Variants in STS observed in about 807,000 individuals in gnomAD.
STS encodes the protein steryl-sulfatase.
STS carries 7 observed loss-of-function variants against 26.8 expected under a neutral mutation model. The observed-to-expected ratio is 0.26, with a 90% CI of 0.15 to 0.49. The LOEUF (loss-of-function observed/expected upper bound fraction) is 0.49, where lower values mean the gene tolerates loss of function less well. Among genes scored for constraint, STS ranks in the 20% least tolerant of loss-of-function variants. The pLI is 0.98. For synonymous variants in STS, 199 were observed against 189.4 expected (o/e 1.05, Z -0.42); for missense variants, 434 against 465.6 (o/e 0.93, Z 0.63).
At chrX:7,290,591 A>G (rs1427362247) in intron 7 of STS, among the ~76,000 whole-genome samples, 1 of 112,001 alleles carries the variant, frequency 8.9e-6, no homozygotes, top group East Asian at 2.8e-4. Flanking sequence ...CCATGTGTAT[A>G]TGGTTCCGCC....
At chrX:7,206,514 T>C (rs1467457568) in intron 2 of STS, among the ~76,000 whole-genome samples, 4 of 112,483 alleles carry the variant, frequency 3.6e-5, no homozygotes, top group African/African-American at 6.5e-5. Flanking sequence ...TGTCCATATA[T>C]GACCAGCCAT....
At chrX:7,198,992 A>C (rs1934021179) in intron 2 of STS, among the ~76,000 whole-genome samples, 1 of 110,900 alleles carries the variant, frequency 9.0e-6, no homozygotes, top group Non-Finnish European at 1.9e-5. Context: ...TGTGTGCTTC[A>C]GCTGCCTTAC....
At chrX:7,184,499 G>A (rs1217178135) in intron 1 of STS, among the ~76,000 whole-genome samples, 1 of 112,021 alleles carries the variant, frequency 8.9e-6, no homozygotes, top group Non-Finnish European at 1.9e-5. Context: ...TGAGGGATTT[G>A]GTCTGATAAT....
rs200409187 is a variant in STS, at chrX:7,349,145, C to CT, written c.1364-723dup. 9.8e-3 allele frequency among the ~76,000 whole-genome samples: 793 copies of CT among 80,565 alleles called. 8 individuals are homozygous for CT. The highest frequency in any genetic ancestry group is 0.014 in the Non-Finnish European group (561 of 41,279). The allele number at this position is 80,565 out of a possible 115,157, so 70.0% of individuals were successfully genotyped here. On this transcript the variant is annotated intron_variant, in intron 10 of 10. Transcript: ENST00000674429. ...TACAGACACGTGCCACCACACCCAG[C>CT]TTTTTTTTTTTTTTTTTTTTAATTT...
intron 1 of STS, among the ~76,000 whole-genome samples, chrX:7,149,645 C>T (rs938158368): frequency 2.7e-5 from 3 of 111,874 alleles, no homozygotes; most frequent in African/African-American, 6.5e-5. Context: ...ATACCACAGA[C>T]TAAGTAACCT....
Position 7,267,539 on chromosome X carries a change from A to G in STS, c.806+7767A>G, listed in dbSNP as rs773433497. On this transcript the variant is annotated intron_variant, in intron 6 of 10. Transcript: ENST00000674429. ...GATGTTGGTCACTCTGCTTTGTGAA[A>G]AAACAGATATGTTGGCCTCTTCTCT... Among the ~76,000 whole-genome samples the G allele has an allele frequency of 2.7e-5, 3 of 112,392 alleles. No homozygotes were observed. The South Asian group carries it at 1.1e-3, about 41-fold the overall frequency.
At chrX:7,349,315 CCTTTTTTTTTTTTTTTTTTTTT>C (rs1221706083) in intron 10 of STS, among the ~76,000 whole-genome samples, 4 of 20,287 alleles carry the variant, frequency 2.0e-4, no homozygotes, top group East Asian at 3.6e-3. Context: ...TCATTTAATT[CCTTTTTTTTTTTTTTTTTTTTT>C]TTTTTTTTTT....
chrX:7,165,304 A>T (rs926973085), intron 1 of STS, among the ~76,000 whole-genome samples: 1 of 109,546 alleles, frequency 9.1e-6, no homozygotes, highest in African/African-American at 3.3e-5. Flanking sequence ...CATTCCCTGG[A>T]ATGCACAATC....
chrX:7,262,212 C>T (rs756796977), intron 6 of STS, among the ~76,000 whole-genome samples: 1 of 112,482 alleles, frequency 8.9e-6, no homozygotes, highest in South Asian at 3.7e-4. Context: ...CTTGCCCATG[C>T]AAAATCTATT....
intron 6 of STS, among the ~76,000 whole-genome samples, chrX:7,262,621 C>A (rs1180002808): frequency 8.9e-6 from 1 of 112,061 alleles, no homozygotes; most frequent in African/African-American, 3.2e-5. Context: ...AGTTGCAGTG[C>A]TTGGGTGAAC....
At chrX:7,159,537 A>G (rs1217542353) in intron 1 of STS, among the ~76,000 whole-genome samples, 1 of 112,327 alleles carries the variant, frequency 8.9e-6, no homozygotes, top group Non-Finnish European at 1.9e-5. Context: ...CCACCATTAT[A>G]TAGCCTCCCT....
intron 1 of STS, among the ~76,000 whole-genome samples, chrX:7,167,038 C>T (rs1209659251): frequency 1.8e-5 from 2 of 110,623 alleles, no homozygotes; most frequent in African/African-American, 6.6e-5. Context: ...AAACAAATAC[C>T]CATTGAGGAT....
At chrX:7,187,466 A>G (rs916572459) in intron 1 of STS, among the ~76,000 whole-genome samples, 2 of 111,804 alleles carry the variant, frequency 1.8e-5, no homozygotes, top group African/African-American at 3.3e-5. Flanking sequence ...TGGCAAATCA[A>G]TCAGTCAAAT....
At position 7,238,121 on chromosome X, in the gene STS, GGTGTGTGTGTGTGTGT is replaced by G. The variant is rs55819541; in HGVS notation, c.-4-15050_-4-15035del. On this transcript the variant is annotated intron_variant, in intron 2 of 10. Transcript: ENST00000674429. The stretch of plus-strand genomic sequence containing the variant: ...TTTTTATGGCTGAGTAGTATTCCAT[GGTGTGTGTGTGTGTGT>G]GTGTGTGTGTGTGTGTGTGTGTGTA... Among the ~76,000 whole-genome samples, 14 of 88,525 alleles carry G rather than the reference GGTGTGTGTGTGTGTGT, an allele frequency of 1.6e-4. No homozygotes were observed. In the East Asian group the frequency reaches 2.6e-3, roughly 17 times the overall value. The allele number at this position is 88,525 out of a possible 115,157, so 76.9% of individuals were successfully genotyped here.
intron 2 of STS, among the ~76,000 whole-genome samples, chrX:7,243,165 C>G (rs1003715583): frequency 3.6e-5 from 4 of 111,980 alleles, no homozygotes; most frequent in African/African-American, 1.3e-4. Context: ...TGGGCTCAGG[C>G]CATCCTTCTG....
Position 7,215,183 on chromosome X carries a change from G to A in STS, c.-5+24175G>A, listed in dbSNP as rs149235331. 6.6e-3 allele frequency among the ~76,000 whole-genome samples: 657 copies of A among 100,162 alleles called. 5 individuals are homozygous for A. The highest frequency in any genetic ancestry group is 0.024 in the African/African-American group (631 of 26,735). 87.0% of individuals were successfully genotyped at this position (100,162 alleles called of 115,157 possible). The stretch of plus-strand genomic sequence containing the variant: ...CACACCACAGTTTCTTTATCCACTC[G>A]TTGATTGATGGGCATTTGGGCTGGT... On this transcript the variant is annotated intron_variant, in intron 2 of 10. Transcript: ENST00000674429.
At chrX:7,167,160 C>T (rs1357948211) in intron 1 of STS, among the ~76,000 whole-genome samples, 1 of 111,339 alleles carries the variant, frequency 9.0e-6, no homozygotes, top group Non-Finnish European at 1.9e-5. Context: ...TGTTCTCACC[C>T]AGAGCGTGGG....
rs1290706028 is a variant in STS, at chrX:7,353,949, C to T, written c.*3688C>T. 2 of 112,118 alleles carry T rather than the reference C, an allele frequency of 1.8e-5. No homozygotes were observed. Among genetic ancestry groups the T allele is most frequent in the Admixed American group, 1.9e-4 (2 of 10,593 alleles). 9.2% of individuals were successfully genotyped at this position (112,118 alleles called of 1,213,427 possible). The stretch of plus-strand genomic sequence containing the variant: ...AGCTGTCTGACCTCTACGGACCTCA[C>T]ATCCATCTGAGGCTTCATGGACAAA... On this transcript the variant is annotated 3_prime_UTR_variant, in exon 11 of 11. Transcript: ENST00000674429.
intron 6 of STS, among the ~76,000 whole-genome samples, chrX:7,275,195 TAGAC>T (rs1420137417): frequency 9.0e-6 from 1 of 111,279 alleles, no homozygotes; most frequent in African/African-American, 3.3e-5. Context: ...AAGTTTTAGT[TAGAC>T]AGGAGGAATA....
Sources: allele counts gnomAD v4.1 joint callset (sites outside exome capture counted in the v4.1 genomes callset), GRCh38; gene constraint gnomAD v4.1.1; transcripts MANE v1.5; gene names NCBI Gene and HGNC (gene_info 2026-07-23, HGNC 2026-07-21).